LPP: variants seen among roughly 807,000 people sequenced by gnomAD.
LPP encodes LIM domain containing preferred translocation partner in lipoma.
A neutral mutation model predicts 60.4 loss-of-function variants in LPP; 38 were observed. The observed-to-expected ratio is 0.63, with a 90% confidence interval of 0.49 to 0.83. The LOEUF is 0.83. Ranked by LOEUF, LPP falls within the 40% of genes least tolerant of loss-of-function variation. The probability of loss-of-function intolerance (pLI) is 0.00; values close to 1 mark genes in which losing one functional copy is unlikely to be tolerated. For synonymous variants in LPP, 328 were observed against 290.8 expected (o/e 1.13, Z -1.30); for missense variants, 902 against 783.6 (o/e 1.15, Z -1.80).
intron 9 of LPP, among the ~76,000 whole-genome samples, chr3:188,817,778 A>G (rs1752862508): frequency 6.6e-6 from 1 of 152,192 alleles, no homozygotes; most frequent in Non-Finnish European, 1.5e-5. Flanking sequence ...CTAAAATTTC[A>G]AAACCTAACC....
intron 7 of LPP, among the ~76,000 whole-genome samples, chr3:188,641,278 A>G (rs961198609): frequency 6.6e-6 from 1 of 152,246 alleles, no homozygotes; most frequent in Non-Finnish European, 1.5e-5. Flanking sequence ...TTCTCCAGCC[A>G]GAGCGAGAGA....
chr3:188,258,746 G>C (rs1732557379), intron 2 of LPP, among the ~76,000 whole-genome samples: 1 of 152,170 alleles, frequency 6.6e-6, no homozygotes, highest in South Asian at 2.1e-4. Context: ...ACCGCATTAG[G>C]GGGCAGAAAG....
intron 6 of LPP, among the ~76,000 whole-genome samples, chr3:188,570,809 C>G (rs2138234): frequency 0.31 from 47,556 of 151,556 alleles, 7,791 homozygotes; most frequent in Middle Eastern, 0.36. Flanking sequence ...TGAAAGCCCG[C>G]TAGAGATAAT....
rs542175797 is a variant in LPP, at chr3:188,489,755, C to G, written c.306+5051C>G. On this transcript the variant is annotated intron_variant, in intron 5 of 11. Transcript: ENST00000617246. Reference sequence around the variant, plus strand: ...AGATCCATGGGGACTTACCTGCTGACATCTGATGGCTTTGAATTCAGGGGC... The same window carrying G: ...AGATCCATGGGGACTTACCTGCTGAGATCTGATGGCTTTGAATTCAGGGGC... 2.6e-5 allele frequency among the ~76,000 whole-genome samples: 4 copies of G among 152,300 alleles called. No homozygotes were observed. In the South Asian group the frequency reaches 8.3e-4, roughly 32 times the overall value.
chr3:188,204,343 C>A (rs978259866), intron 1 of LPP, among the ~76,000 whole-genome samples: 41 of 152,050 alleles, frequency 2.7e-4, no homozygotes, highest in Non-Finnish European at 7.4e-5. Context: ...TTGTTTAGAG[C>A]ACTGGTGAGG....
At chr3:188,832,519 C>A (rs1757377043) in intron 9 of LPP, among the ~76,000 whole-genome samples, 1 of 152,172 alleles carries the variant, frequency 6.6e-6, no homozygotes, top group Admixed American at 6.5e-5. Flanking sequence ...ATGCCTGGGC[C>A]CTCAGAAACT....
intron 7 of LPP, among the ~76,000 whole-genome samples, chr3:188,701,978 C>T (rs1864533856): frequency 9.3e-6 from 1 of 107,516 alleles, no homozygotes; most frequent in East Asian, 3.2e-4. Context: ...GAGACAGAGT[C>T]TCGCTCTGTC....
chr3:188,558,041 T>G (rs1829884600), intron 6 of LPP, among the ~76,000 whole-genome samples: 1 of 152,062 alleles, frequency 6.6e-6, no homozygotes, highest in Admixed American at 6.6e-5. Flanking sequence ...ACCTTCTTGT[T>G]TACTCCACAT....
At chr3:188,362,611 T>C (rs1456893963) in intron 3 of LPP, among the ~76,000 whole-genome samples, 1 of 152,196 alleles carries the variant, frequency 6.6e-6, no homozygotes, top group Non-Finnish European at 1.5e-5. Flanking sequence ...TAGATCGACG[T>C]GTTTACAATA....
At chr3:188,510,548 A>G (rs1296342314) in intron 5 of LPP, among the ~76,000 whole-genome samples, 1 of 152,190 alleles carries the variant, frequency 6.6e-6, no homozygotes, top group Non-Finnish European at 1.5e-5. Flanking sequence ...ACTAAGTCCC[A>G]AGATACAATT....
chr3:188,419,021 G>T (rs1787081007), intron 4 of LPP, among the ~76,000 whole-genome samples: 1 of 151,984 alleles, frequency 6.6e-6, no homozygotes, highest in Admixed American at 6.6e-5. Context: ...TTTAGTAAGG[G>T]CATCCTCTGT....
At chr3:188,755,424 G>T (rs1334053606) in intron 8 of LPP, among the ~76,000 whole-genome samples, 1 of 152,040 alleles carries the variant, frequency 6.6e-6, no homozygotes, top group Non-Finnish European at 1.5e-5. Context: ...TCAGTTGTGT[G>T]GTGATCACAG....
chr3:188,457,283 T>C (rs1797934758), intron 4 of LPP, among the ~76,000 whole-genome samples: 2 of 152,186 alleles, frequency 1.3e-5, no homozygotes, highest in Admixed American at 1.3e-4. Context: ...CTTTTCCTAC[T>C]GTACAACTTC....
chr3:188,799,486 A>G (rs770008973), intron 9 of LPP, among the ~76,000 whole-genome samples: 1 of 152,140 alleles, frequency 6.6e-6, no homozygotes, highest in Non-Finnish European at 1.5e-5. Context: ...TTCCATTCCT[A>G]TGTCCTCCTT....
chr3:188,862,406 C>T (rs1420878664), intron 9 of LPP, among the ~76,000 whole-genome samples: 1 of 151,980 alleles, frequency 6.6e-6, no homozygotes, highest in Non-Finnish European at 1.5e-5. Flanking sequence ...TCTTGGAATA[C>T]AACAGAAAAA....
rs368115626 is a variant in LPP at position 188,269,645 on chromosome 3, A to ATGTGTGTGTGTGTG, written c.-67+44140_-67+44153dup. Among the ~76,000 whole-genome samples the ATGTGTGTGTGTGTG allele has an allele frequency of 8.8e-3, 1,202 of 136,512 alleles. 8 individuals carry two copies. Among genetic ancestry groups the ATGTGTGTGTGTGTG allele is most frequent in the African/African-American group, 0.011 (405 of 35,798 alleles). 89.6% of individuals were successfully genotyped at this position (136,512 alleles called of 152,430 possible). A position where few individuals can be genotyped will look rare whatever the true frequency, so the allele number is the denominator to read the frequency against. On this transcript the variant is annotated intron_variant, in intron 2 of 11. Transcript: ENST00000617246. ...GCTAGCTGGTTGTGCCTTTTTTTTT[A>ATGTGTGTGTGTGTG]TGTGTGTGTGTGTGTGTGTGTGTGT...
At position 188,311,273 on chromosome 3, in the gene LPP, G is replaced by A. The variant is rs934867132; in HGVS notation, c.-66-30390G>A. On this transcript the variant is annotated intron_variant, in intron 2 of 11. Coordinates refer to ENST00000617246, the MANE Select transcript of LPP (RefSeq NM_001375462.1). ...GGATCTCTTGATGCCAGGAGTTTGA[G>A]ACCAGACTGGGCAACATAGTGAGAC... Among the ~76,000 whole-genome samples, 5 of 151,942 alleles carry A rather than the reference G, an allele frequency of 3.3e-5. No individual in the cohort carries two copies. In the South Asian group the frequency reaches 1.0e-3, roughly 32 times the overall value.
In LPP at chr3:188,633,821, A is replaced by G. The variant is rs573856852; in HGVS notation, c.1113+23977A>G. Among the ~76,000 whole-genome samples the G allele has an allele frequency of 3.5e-4, 54 of 152,290 alleles. No homozygotes were observed. In the Middle Eastern group the frequency reaches 0.01, roughly 29 times the overall value. ...TCCATCTTTGACTGATGCCTCTTCA[A>G]TATGTTGTATAATGTACTATAGAGT... is the stretch of plus-strand genomic sequence containing the variant. On this transcript the variant is annotated intron_variant, in intron 7 of 11. Coordinates refer to ENST00000617246, the MANE Select transcript of LPP (RefSeq NM_001375462.1).
intron 6 of LPP, among the ~76,000 whole-genome samples, chr3:188,600,352 T>C (rs1008626156): frequency 1.3e-5 from 2 of 150,746 alleles, no homozygotes; most frequent in African/African-American, 4.8e-5. Context: ...GTATATAGAA[T>C]AGCCAAAAAT....
Sources: gnomAD v4.1 joint callset for allele counts (sites outside exome capture counted in the v4.1 genomes callset) on GRCh38, gnomAD v4.1.1 for gene constraint, MANE v1.5 for transcripts, NCBI Gene and HGNC (gene_info 2026-07-23, HGNC 2026-07-21) for gene names.